The following TRIM23 variants were observed in gnomAD, a reference collection of about 807,000 sequenced individuals.
The protein encoded by TRIM23 is E3 ubiquitin-protein ligase TRIM23.
Under a neutral mutation model 71.0 loss-of-function variants are expected in TRIM23, and 27 were observed. The observed-to-expected ratio is 0.38, with a 90% CI of 0.28 to 0.52. The LOEUF (loss-of-function observed/expected upper bound fraction) is 0.52. Ranked by LOEUF, TRIM23 falls within the 20% of genes least tolerant of loss-of-function variation. The probability of loss-of-function intolerance (pLI) is 0.84; values close to 1 mark genes in which losing one functional copy is unlikely to be tolerated. For synonymous variants in TRIM23, 234 were observed against 238.0 expected, an observed-to-expected ratio of 0.98 and a Z score of 0.16; for missense variants, 482 against 692.3, an observed-to-expected ratio of 0.70 and a Z score of 3.41.
intron 7 of TRIM23, chr5:65,604,541 G>A (rs1754446538): frequency 6.4e-6 from 1 of 157,074 alleles, no homozygotes; most frequent in Non-Finnish European, 1.4e-5. Context: ...AAAAGGAGTA[G>A]GTAAAAGGGG....
chr5:65,615,675 T>C (rs1754759770), intron 2 of TRIM23, among the ~76,000 whole-genome samples: 1 of 152,198 alleles, frequency 6.6e-6, no homozygotes, highest in African/African-American at 2.4e-5. Context: ...TACATAAAGG[T>C]TAAGAAGTAC....
At chr5:65,623,423 G>A (rs1335803592) in intron 1 of TRIM23, among the ~76,000 whole-genome samples, 1 of 152,078 alleles carries the variant, frequency 6.6e-6, no homozygotes, top group Admixed American at 6.5e-5. Flanking sequence ...TAAACCAATG[G>A]GATCAGTTCT....
chr5:65,605,181 TA>T, intron 6 of TRIM23, 136 bp from the exon 7 acceptor site: 2 of 747,766 alleles, frequency 2.7e-6, no homozygotes, highest in Non-Finnish European at 4.1e-6. Context: ...ACAAAAATAA[TA>T]ATTGAGCATT....
Position 65,596,147 on chromosome 5 carries a change from C to T in TRIM23, c.1420+274G>A, listed in dbSNP as rs40154. On this transcript the variant is annotated intron_variant, in intron 9 of 10. Coordinates refer to ENST00000231524, the MANE Select transcript of TRIM23 (RefSeq NM_001656.4). ...ACCCATATAATACTGGTAATATACA[C>T]TCTCTGTTAAGAGAAGCAAGAGTAC... 0.62 allele frequency among the ~76,000 whole-genome samples: 94,338 copies of T among 152,024 alleles called. 29,526 individuals are homozygous for T. The highest frequency in any genetic ancestry group is 0.65 in the South Asian group (3,138 of 4,830).
intron 7 of TRIM23, among the ~76,000 whole-genome samples, chr5:65,602,216 T>C (rs890175511): frequency 2.6e-5 from 4 of 152,220 alleles, no homozygotes; most frequent in Admixed American, 6.5e-5. Flanking sequence ...AAGTCACCTC[T>C]TGAATGCTTT....
chr5:65,600,172 AAC>A (rs1754322829), intron 7 of TRIM23, among the ~76,000 whole-genome samples: 4 of 152,212 alleles, frequency 2.6e-5, no homozygotes, highest in Non-Finnish European at 5.9e-5. Flanking sequence ...ATTCATGAGA[AAC>A]TGCCCCCATG....
At chr5:65,602,278 T>A (rs186070964) in intron 7 of TRIM23, among the ~76,000 whole-genome samples, 15 of 152,302 alleles carry the variant, frequency 9.8e-5, no homozygotes, top group African/African-American at 3.6e-4. Flanking sequence ...CTCTCAAGTT[T>A]GAAGTTCCAC....
At chr5:65,608,469 C>A (rs73763165) in intron 6 of TRIM23, among the ~76,000 whole-genome samples, 2,562 of 152,232 alleles carry the variant, frequency 0.017, 60 homozygotes, top group African/African-American at 0.058. Context: ...TAAGTGTAAT[C>A]ACATATTTAA....
Position 65,591,060 on chromosome 5 carries a change from CCA to C in TRIM23, c.*707_*708del, listed in dbSNP as rs1754008107. ...TTCATAAATTCAGATCCAATTACTT[CCA>C]CAGTTTTATTACTGTTCAGTTTATT... On this transcript the variant is annotated 3_prime_UTR_variant, in exon 11 of 11. Transcript: ENST00000231524. 1.0e-6 allele frequency: 1 copy of C among 990,900 alleles called. No individual in the cohort carries two copies. The allele number at this position is 990,900 out of a possible 1,614,324, so 61.4% of individuals were successfully genotyped here. A position where few individuals can be genotyped will look rare whatever the true frequency, so the allele number is the denominator to read the frequency against.
At position 65,610,989 on chromosome 5, in the gene TRIM23, C is replaced by A. The variant is rs1003561802; in HGVS notation, c.700G>T (p.Ala234Ser). 4 of 1,613,510 alleles carry A rather than the reference C, an allele frequency of 2.5e-6. No homozygotes were observed. The highest frequency in any genetic ancestry group is 3.4e-6 in the Non-Finnish European group (4 of 1,179,826). The change falls in exon 5 of 11, where the codon GCT becomes TCT. Residue 234 changes from alanine (A) to serine (S), a missense_variant. By Grantham distance (99) the Ala-to-Ser change is moderately conservative. Transcript: ENST00000231524. ...NQIRASILDM[A>S]HCIRTFTEEI... ...TCTGTGAAGGTCCGTATGCAGTGAG[C>A]CATATCTAAAATTGATGCTCGGATC... is the stretch of plus-strand genomic sequence containing the variant.
chr5:65,592,129 CTAAT>C (rs1754056376), intron 10 of TRIM23, among the ~76,000 whole-genome samples, 181 bp from the exon 11 acceptor site: 1 of 152,110 alleles, frequency 6.6e-6, no homozygotes, highest in African/African-American at 2.4e-5. Context: ...TTTGGTTTAA[CTAAT>C]TTATATGTGT....
chr5:65,620,448 T>A (rs1754899957), intron 1 of TRIM23, among the ~76,000 whole-genome samples: 1 of 152,232 alleles, frequency 6.6e-6, no homozygotes, highest in Non-Finnish European at 1.5e-5. Context: ...GGCACATTCA[T>A]AATACTATAA....
At chr5:65,608,824 G>A (rs1280958716) in intron 6 of TRIM23, among the ~76,000 whole-genome samples, 1 of 151,920 alleles carries the variant, frequency 6.6e-6, no homozygotes, top group Non-Finnish European at 1.5e-5. Flanking sequence ...ATGGTAGAGA[G>A]GCACTCAAAA....
intron 7 of TRIM23, among the ~76,000 whole-genome samples, chr5:65,603,565 TG>T: frequency 6.6e-6 from 1 of 152,312 alleles, no homozygotes. Context: ...TGATTTTCTA[TG>T]GGGAATGAAG....
At chr5:65,618,053 A>C in intron 2 of TRIM23, 40 bp downstream of exon 2, 1 of 1,529,376 alleles carries the variant, frequency 6.5e-7, no homozygotes, top group Non-Finnish European at 8.8e-7. Context: ...CATTACATGA[A>C]CAATTTTCAA....
At position 65,589,891 on chromosome 5, in the gene TRIM23, TCTC is replaced by T. The variant is rs2150615948; in HGVS notation, c.*1875_*1877del. The T allele has an allele frequency of 6.4e-6, 1 of 156,384 alleles. No homozygotes were observed. Among genetic ancestry groups the T allele is most frequent in the South Asian group, 2.0e-4 (1 of 4,932 alleles). 9.7% of individuals were successfully genotyped at this position (156,384 alleles called of 1,614,324 possible). ...TCTAATATACTGTATATAAAAAAGC[TCTC>T]TTCTTAGTTTCCCAGGGAAGACTAG... On this transcript the variant is annotated 3_prime_UTR_variant, in exon 11 of 11. Transcript: ENST00000231524.
In TRIM23 at chr5:65,597,130, TAACGTAACGACCCG is replaced by T; in HGVS notation, c.1216_1229del (p.Val407IlefsTer12). The stretch of plus-strand genomic sequence containing the variant: ...TAGTTTTTCCAGCACCATCCAATCC[TAACGTAACGACCCG>T]AATTTCCATTTTTGGTCCAATGTGA... On this transcript the variant is annotated frameshift_variant, in exon 8 of 11. Transcript: ENST00000231524. LOFTEE classifies it high-confidence loss of function. 1 of 1,614,208 alleles carries T rather than the reference TAACGTAACGACCCG, an allele frequency of 6.2e-7. No individual in the cohort carries two copies. Among genetic ancestry groups the T allele is most frequent in the Non-Finnish European group, 8.5e-7 (1 of 1,180,010 alleles).
Position 65,618,764 on chromosome 5 carries a change from T to C in TRIM23, c.82-509A>G, listed in dbSNP as rs1754840506. 2.0e-5 allele frequency among the ~76,000 whole-genome samples: 3 copies of C among 152,270 alleles called. No individual in the cohort carries two copies. In the South Asian group the frequency reaches 6.2e-4, roughly 31 times the overall value. Reference sequence around the variant, plus strand: ...CAAGTAACTTTCAAGTATCTTCTACTATCTAATGTACATTAAATAATACAA... The same window carrying C: ...CAAGTAACTTTCAAGTATCTTCTACCATCTAATGTACATTAAATAATACAA... On this transcript the variant is annotated intron_variant, in intron 1 of 10. Coordinates refer to ENST00000231524, the MANE Select transcript of TRIM23 (RefSeq NM_001656.4).
chr5:65,592,686 T>C (rs987909906), intron 10 of TRIM23, among the ~76,000 whole-genome samples: 1 of 152,146 alleles, frequency 6.6e-6, no homozygotes, highest in African/African-American at 2.4e-5. Flanking sequence ...TTACAACATA[T>C]TTTTCCAGAA....
Sources: allele counts gnomAD v4.1 joint callset (sites outside exome capture counted in the v4.1 genomes callset), GRCh38; gene constraint gnomAD v4.1.1; transcripts MANE v1.5; gene names NCBI Gene and HGNC (gene_info 2026-07-23, HGNC 2026-07-21).